SCN2A: variants seen among roughly 807,000 people sequenced by gnomAD.
The protein encoded by SCN2A is sodium channel protein type 2 subunit alpha.
Under a neutral mutation model 188.7 loss-of-function variants are expected in SCN2A, and 20 were observed. That is an observed-to-expected ratio of 0.11 (90% CI 0.07 to 0.15). The LOEUF (loss-of-function observed/expected upper bound fraction) is 0.15, where lower values mean the gene tolerates loss of function less well. Among genes scored for constraint, SCN2A ranks in the 10% least tolerant of loss-of-function variants. SCN2A has a pLI of 1.00. For missense variants in SCN2A, 1,278 were observed against 2,445.0 expected, an observed-to-expected ratio of 0.52 and a Z score of 10.07; for synonymous variants, 804 against 833.1, an observed-to-expected ratio of 0.97 and a Z score of 0.60.
intron 1 of SCN2A, among the ~76,000 whole-genome samples, chr2:165,287,069 G>A (rs34190257): frequency 0.13 from 20,083 of 152,130 alleles, 1,752 homozygotes; most frequent in East Asian, 0.38. Context: ...GGGAGAGACC[G>A]AGGCAAGTTT....
chr2:165,326,889 C>G lies in SCN2A; in HGVS notation c.2054C>G (p.Ser685Cys), dbSNP rs1304487516. ...GAAACAGAAATAAGAAAGAGACGGT[C>G]CAGTTCTTATCATGTTTCCATGGAT... Reference protein sequence around the residue: ...TTETEIRKRRSSSYHVSMDLL... With the variant: ...TTETEIRKRRCSSYHVSMDLL... The change falls in exon 13 of 27, where the codon TCC (serine) becomes TGC (cysteine). Residue 685 changes from serine to cysteine, a missense_variant. This residue lies in a region of SCN2A where 315 missense variants were observed against 386.6 expected (regional missense o/e 0.81). Coordinates refer to ENST00000375437, the MANE Select transcript of SCN2A (RefSeq NM_001040142.2). 1 of 1,613,896 alleles carries G rather than the reference C, an allele frequency of 6.2e-7. No individual in the cohort carries two copies. Among genetic ancestry groups the G allele is most frequent in the Non-Finnish European group, 8.5e-7 (1 of 1,179,862 alleles).
rs779972161 is a variant in SCN2A, at chr2:165,309,433, A to G, written c.687A>G (p.Ser229=). Residue 229 remains serine, a synonymous_variant, in exon 6 of 27, where the codon TCA becomes TCG. Transcript: ENST00000375437. ...FRVLRALKTI[S]VIPGLKTIVG... ...TTCTCCGAGCATTGAAAACAATTTC[A>G]GTCATTCCAGGTGAGAGCTAGGTTA... 1.2e-6 allele frequency: 2 copies of G among 1,613,598 alleles called. No individual in the cohort carries two copies. The highest frequency in any genetic ancestry group is 1.3e-5 in the African/African-American group (1 of 75,026).
intron 1 of SCN2A, among the ~76,000 whole-genome samples, chr2:165,260,407 G>A (rs1220415014): frequency 1.3e-5 from 2 of 152,172 alleles, no homozygotes; most frequent in Non-Finnish European, 2.9e-5. Flanking sequence ...TTTTTTCTGA[G>A]CAGTAAATCT....
At chr2:165,352,981 A>G (rs1024402633) in intron 16 of SCN2A, among the ~76,000 whole-genome samples, 14 of 151,650 alleles carry the variant, frequency 9.2e-5, no homozygotes, top group African/African-American at 7.3e-5. Flanking sequence ...GATATTGTCA[A>G]TCAAATCCTG....
At chr2:165,385,001 C>T (rs570779326) in intron 25 of SCN2A, among the ~76,000 whole-genome samples, 1 of 152,204 alleles carries the variant, frequency 6.6e-6, no homozygotes, top group South Asian at 2.1e-4. Flanking sequence ...TAAAAGTAGA[C>T]ACATTTATTG....
chr2:165,362,124 C>T (rs774788443), intron 17 of SCN2A, among the ~76,000 whole-genome samples: 7 of 151,874 alleles, frequency 4.6e-5, no homozygotes, highest in African/African-American at 9.7e-5. Flanking sequence ...ACAAGGGTGA[C>T]GAAAACATGA....
chr2:165,265,516 T>TATATATATATATATATA (rs71028476), intron 1 of SCN2A, among the ~76,000 whole-genome samples: 14 of 122,824 alleles, frequency 1.1e-4, no homozygotes, highest in Admixed American at 1.6e-4. Context: ...TATATATATA[T>TATATATATATATATATA]TGCTGTGCAG....
At position 165,292,656 on chromosome 2, in the gene SCN2A, T is replaced by C. The variant is rs564335201; in HGVS notation, c.-51-3117T>C. Among the ~76,000 whole-genome samples, 6 of 152,352 alleles carry C rather than the reference T, an allele frequency of 3.9e-5. No individual in the cohort carries two copies. In the East Asian group the frequency reaches 7.7e-4, roughly 20 times the overall value. On this transcript the variant is annotated intron_variant, in intron 1 of 26. Transcript: ENST00000375437. ...AGCCAGAAAGTATGAAATACATTGA[T>C]TTAACAATTAGAACTGTTCTAATTA...
chr2:165,328,897 TG>T (rs1698510499), intron 13 of SCN2A, among the ~76,000 whole-genome samples: 1 of 152,136 alleles, frequency 6.6e-6, no homozygotes, highest in Non-Finnish European at 1.5e-5. Context: ...TTTATTCAAT[TG>T]TATGTAGACA....
intron 10 of SCN2A, 74 bp from the exon 11 acceptor site, chr2:165,315,397 G>A: frequency 1.9e-6 from 3 of 1,595,400 alleles, no homozygotes; most frequent in Non-Finnish European, 1.7e-6. Context: ...TGATATTGAA[G>A]CTCAATTAAG....
At position 165,279,580 on chromosome 2, in the gene SCN2A, AATAG is replaced by A. The variant is rs144093626; in HGVS notation, c.-51-16190_-51-16187del. ...ATATTATATTAGTAATTATATATAA[AATAG>A]ATGGATGGGAAACAAACGGAAGAAT... On this transcript the variant is annotated intron_variant, in intron 1 of 26. Coordinates refer to ENST00000375437, the MANE Select transcript of SCN2A (RefSeq NM_001040142.2). Among the ~76,000 whole-genome samples, 1,017 of 152,264 alleles carry A rather than the reference AATAG, an allele frequency of 6.7e-3. 15 individuals are homozygous for A. Among genetic ancestry groups the A allele is most frequent in the African/African-American group, 0.023 (972 of 41,572 alleles).
chr2:165,266,743 A>C (rs1694883362), intron 1 of SCN2A: 1 of 152,064 alleles, frequency 6.6e-6, no homozygotes, highest in Admixed American at 6.6e-5. Flanking sequence ...CATACTACCA[A>C]AGTAATAGGT....
At position 165,323,320 on chromosome 2, in the gene SCN2A, C is replaced by A; in HGVS notation, c.1836C>A (p.Phe612Leu). 6.2e-7 allele frequency: 1 copy of A among 1,614,172 alleles called. No homozygotes were observed. The highest frequency in any genetic ancestry group is 8.5e-7 in the Non-Finnish European group (1 of 1,180,046). Residue 612 changes from phenylalanine to leucine, a missense_variant, in exon 12 of 27, where the codon TTC (phenylalanine) becomes TTA (leucine). By Grantham distance (22) the Phe-to-Leu change is conservative. Coordinates refer to ENST00000375437, the MANE Select transcript of SCN2A (RefSeq NM_001040142.2). ...EDNDSRRDSLFVPHRHGERRH... is the reference protein window; with the variant it reads ...EDNDSRRDSLLVPHRHGERRH... ...ATGACAGCCGAAGAGACTCTCTGTT[C>A]GTGCCGCACAGACATGGAGAACGGC...
chr2:165,355,316 T>C lies in SCN2A; in HGVS notation c.3399+645T>C, dbSNP rs1439933890. Among the ~76,000 whole-genome samples the C allele has an allele frequency of 5.3e-5, 8 of 152,218 alleles. No individual in the cohort carries two copies. In the East Asian group the frequency reaches 1.3e-3, roughly 26 times the overall value. On this transcript the variant is annotated intron_variant, in intron 17 of 26. Transcript: ENST00000375437. The stretch of plus-strand genomic sequence containing the variant: ...AGAAACAAAAATCCTTAATACATTA[T>C]AGAATGTAAAATTCTGAATTTACCA...
intron 1 of SCN2A, among the ~76,000 whole-genome samples, chr2:165,255,557 A>G (rs1694276423): frequency 6.6e-6 from 1 of 152,128 alleles, no homozygotes; most frequent in Non-Finnish European, 1.5e-5. Flanking sequence ...CTATGGTTTA[A>G]CTCCATATCC....
intron 21 of SCN2A, among the ~76,000 whole-genome samples, chr2:165,374,111 TG>T (rs1380180311): frequency 2.6e-5 from 4 of 152,090 alleles, no homozygotes; most frequent in Non-Finnish European, 1.5e-5. Context: ...TAGAGATGAA[TG>T]GTGTGTGTAG....
intron 22 of SCN2A, among the ~76,000 whole-genome samples, chr2:165,376,845 T>C (rs1410210788): frequency 6.6e-6 from 1 of 151,968 alleles, no homozygotes; most frequent in Non-Finnish European, 1.5e-5. Context: ...TAATAATTCA[T>C]TCAGCTATTC....
Position 165,354,503 on chromosome 2 carries a change from C to T in SCN2A, c.3231C>T (p.Gly1077=), listed in dbSNP as rs775367520. ...AAGACGGAAATGGAACTACTAGTGG[C>T]ATAGGCAGCAGTGTAGAAAAATATG... ...YLKDGNGTTS[G]IGSSVEKYVV... is the part of the protein sequence containing the mutation. Residue 1077 remains glycine, a synonymous_variant, in exon 17 of 27, where the codon GGC becomes GGT. Coordinates refer to ENST00000375437, the MANE Select transcript of SCN2A (RefSeq NM_001040142.2). 1 of 1,613,992 alleles carries T rather than the reference C, an allele frequency of 6.2e-7. No homozygotes were observed. Among genetic ancestry groups the T allele is most frequent in the Non-Finnish European group, 8.5e-7 (1 of 1,179,966 alleles).
At chr2:165,383,992 G>A (rs551993518) in intron 25 of SCN2A, among the ~76,000 whole-genome samples, 2 of 152,106 alleles carry the variant, frequency 1.3e-5, no homozygotes, top group Non-Finnish European at 2.9e-5. Flanking sequence ...TAGGTTTAAA[G>A]GAAAGCAAAA....
Sources: allele counts gnomAD v4.1 joint callset (sites outside exome capture counted in the v4.1 genomes callset), GRCh38; gene constraint gnomAD v4.1.1; regional missense constraint gnomAD v4.1.1; transcripts MANE v1.5; gene names NCBI Gene and HGNC (gene_info 2026-07-23, HGNC 2026-07-21).